PREPL: variants seen among roughly 807,000 people sequenced by gnomAD.
PREPL encodes prolyl endopeptidase-like.
PREPL carries 77 observed loss-of-function variants against 70.6 expected under a neutral mutation model. The observed-to-expected ratio is 1.09, with a 90% CI of 0.91 to 1.32. PREPL has a LOEUF of 1.32. PREPL is among the 40% of genes most tolerant of loss of function. PREPL has a pLI of 0.00. For missense variants in PREPL, 1,002 were observed against 778.2 expected (o/e 1.29, Z -3.42); for synonymous variants, 315 against 264.8 (o/e 1.19, Z -1.84).
intron 7 of PREPL, among the ~76,000 whole-genome samples, chr2:44,337,575 G>A (rs1674763707): frequency 6.6e-6 from 1 of 152,178 alleles, no homozygotes; most frequent in Non-Finnish European, 1.5e-5. Flanking sequence ...AATGGTCTAT[G>A]CTGTTTGCTC....
In PREPL at chr2:44,321,299, GAAGT is replaced by G. The variant is rs1652815750; in HGVS notation, c.*53_*56del. 3.6e-6 allele frequency: 5 copies of G among 1,380,860 alleles called. No homozygotes were observed. Among genetic ancestry groups the G allele is most frequent in the African/African-American group, 2.9e-5 (2 of 69,224 alleles). The allele number at this position is 1,380,860 out of a possible 1,614,324, so 85.5% of individuals were successfully genotyped here. The stretch of plus-strand genomic sequence containing the variant: ...AATTTTTTTTTTGCTAACTCAATTG[GAAGT>G]AAGACTATGAAATATTTCAGTGTGT... On this transcript the variant is annotated 3_prime_UTR_variant, in exon 14 of 14. Transcript: ENST00000409411.
intron 4 of PREPL, 58 bp from the exon 5 acceptor site, chr2:44,342,610 A>ATTTT: frequency 1.5e-6 from 2 of 1,377,784 alleles, no homozygotes; most frequent in South Asian, 2.7e-5. Context: ...TAAAAAAAAA[A>ATTTT]AAAAAGCACA....
At chr2:44,338,881 C>T (rs111818634) in intron 6 of PREPL, among the ~76,000 whole-genome samples, 120 of 152,286 alleles carry the variant, frequency 7.9e-4, no homozygotes, top group African/African-American at 2.2e-3. Flanking sequence ...CATAAAATCA[C>T]GAGTTTGTAA....
chr2:44,343,708 C>T (rs1325692404), intron 4 of PREPL, 37 bp downstream of exon 4: 1 of 1,564,230 alleles, frequency 6.4e-7, no homozygotes, highest in Non-Finnish European at 8.8e-7. Flanking sequence ...TTACCGTTGC[C>T]TTTCAACACA....
intron 1 of PREPL, chr2:44,359,774 T>C (rs1052427492): frequency 1.6e-6 from 2 of 1,223,950 alleles, no homozygotes; most frequent in African/African-American, 1.5e-5. Context: ...AATGATTTTA[T>C]AGGTATGATT....
At chr2:44,331,836 A>G (rs1319873556) in intron 8 of PREPL, among the ~76,000 whole-genome samples, 8 of 151,992 alleles carry the variant, frequency 5.3e-5, no homozygotes, top group African/African-American at 1.9e-4. Context: ...CACCTTCACT[A>G]TTTTTGCCAT....
chr2:44,340,321 T>C (rs1675076278), intron 5 of PREPL, among the ~76,000 whole-genome samples: 1 of 152,158 alleles, frequency 6.6e-6, no homozygotes, highest in Admixed American at 6.5e-5. Context: ...ACTAATTTAA[T>C]AAGTGTATTT....
chr2:44,333,425 C>A (rs559846291), intron 7 of PREPL, among the ~76,000 whole-genome samples: 1 of 152,098 alleles, frequency 6.6e-6, no homozygotes, highest in African/African-American at 2.4e-5. Flanking sequence ...TACCGAGAGG[C>A]AGAACATTAA....
intron 7 of PREPL, among the ~76,000 whole-genome samples, chr2:44,335,686 A>G (rs1438813274): frequency 1.3e-5 from 2 of 152,216 alleles, no homozygotes; most frequent in African/African-American, 2.4e-5. Context: ...AACAAAAACA[A>G]AAATCAGCAA....
At chr2:44,346,765 G>C (rs1293494434) in intron 1 of PREPL, among the ~76,000 whole-genome samples, 1 of 151,774 alleles carries the variant, frequency 6.6e-6, no homozygotes, top group South Asian at 2.1e-4. Context: ...GGAAAATCAG[G>C]TAGAGAAAAA....
chr2:44,346,461 G>C (rs2104025502), intron 1 of PREPL, 71 bp from the exon 2 acceptor site: 1 of 1,398,564 alleles, frequency 7.2e-7, no homozygotes, highest in East Asian at 2.3e-5. Flanking sequence ...TTAAAGATAA[G>C]TAGGTCTATA....
rs1030881139 is a variant in PREPL at position 44,344,921 on chromosome 2, T to C, written c.76-335A>G. Reference sequence around the variant, plus strand: ...TGATACCTGTACAGTGGGAGTCAATTAACAGAAATCAAGTGGCATCTTTAA... The same window carrying C: ...TGATACCTGTACAGTGGGAGTCAATCAACAGAAATCAAGTGGCATCTTTAA... On this transcript the variant is annotated intron_variant, in intron 2 of 13. Transcript: ENST00000409411. Among the ~76,000 whole-genome samples, 6 of 152,276 alleles carry C rather than the reference T, an allele frequency of 3.9e-5. No homozygotes were observed. In the East Asian group the frequency reaches 1.2e-3, roughly 29 times the overall value.
intron 7 of PREPL, among the ~76,000 whole-genome samples, chr2:44,338,006 A>G (rs1674811476): frequency 6.6e-6 from 1 of 152,244 alleles, no homozygotes; most frequent in Non-Finnish European, 1.5e-5. Context: ...GTCAGTGTTT[A>G]GGCACTAGCT....
chr2:44,335,534 C>T (rs755763299), intron 7 of PREPL, among the ~76,000 whole-genome samples: 1 of 152,144 alleles, frequency 6.6e-6, no homozygotes, highest in Non-Finnish European at 1.5e-5. Context: ...CCCTTCCTTA[C>T]ACCATATATA....
At chr2:44,359,511 T>C (rs768906821) in intron 1 of PREPL, 1 of 1,609,642 alleles carries the variant, frequency 6.2e-7, no homozygotes, top group Non-Finnish European at 8.5e-7. Context: ...CATGAGAAGC[T>C]CCGACTTGGG....
rs1197621295 is a variant in PREPL at position 44,318,135 on chromosome 2, T to C, written c.*3221A>G. The C allele has an allele frequency of 1.1e-5, 5 of 445,068 alleles. No homozygotes were observed. Among genetic ancestry groups the C allele is most frequent in the African/African-American group, 2.1e-5 (1 of 48,494 alleles). 27.6% of individuals were successfully genotyped at this position (445,068 alleles called of 1,614,324 possible). A position where few individuals can be genotyped will look rare whatever the true frequency, so the allele number is the denominator to read the frequency against. On this transcript the variant is annotated 3_prime_UTR_variant, in exon 14 of 14. Coordinates refer to ENST00000409411, the MANE Select transcript of PREPL (RefSeq NM_001171613.2). ...TGAGACAGTCTTGCTCCGTCACCCA[T>C]GCTCGAGTGCAGTGGCGTGATCTCG...
At chr2:44,338,694 C>T (rs995781285) in intron 6 of PREPL, among the ~76,000 whole-genome samples, 158 bp from the exon 7 acceptor site, 5 of 152,254 alleles carry the variant, frequency 3.3e-5, no homozygotes, top group Admixed American at 3.3e-4. Context: ...TGACCATCAA[C>T]CATATGAATG....
At chr2:44,324,538 G>C (rs754940884) in intron 10 of PREPL, among the ~76,000 whole-genome samples, 2 of 152,156 alleles carry the variant, frequency 1.3e-5, no homozygotes, top group African/African-American at 4.8e-5. Context: ...GGTGAAAGAA[G>C]AGAAAACAAC....
In PREPL at chr2:44,352,091, A is replaced by G. The variant is rs374727729; in HGVS notation, c.-48-5701T>C. On this transcript the variant is annotated intron_variant, in intron 1 of 13. Coordinates refer to ENST00000409411, the MANE Select transcript of PREPL (RefSeq NM_001171613.2). Reference sequence around the variant, plus strand: ...GGGCCCTATGCCCAAATACCTCCTTAAAGCTATTGCTCAAATGTCATCTTC... The same window carrying G: ...GGGCCCTATGCCCAAATACCTCCTTGAAGCTATTGCTCAAATGTCATCTTC... Among the ~76,000 whole-genome samples the G allele has an allele frequency of 3.6e-3, 553 of 152,274 alleles. 2 individuals are homozygous for G. Among genetic ancestry groups the G allele is most frequent in the African/African-American group, 0.013 (536 of 41,548 alleles).
Sources: allele counts gnomAD v4.1 joint callset (sites outside exome capture counted in the v4.1 genomes callset), GRCh38; gene constraint gnomAD v4.1.1; transcripts MANE v1.5; gene names NCBI Gene and HGNC (gene_info 2026-07-23, HGNC 2026-07-21).